STIM1: variants seen among roughly 807,000 people sequenced by gnomAD.
The protein encoded by STIM1 is stromal interaction molecule 1.
STIM1 carries 25 observed loss-of-function variants against 74.7 expected under a neutral mutation model. The ratio of observed to expected loss-of-function variants is 0.33; its 90% confidence interval spans 0.24 to 0.47. The LOEUF is 0.47. STIM1 is among the 20% of genes least tolerant of loss of function. STIM1 has a pLI of 1.00. For missense variants in STIM1, 728 were observed against 920.8 expected, an observed-to-expected ratio of 0.79 and a Z score of 2.71; for synonymous variants, 328 against 348.8, an observed-to-expected ratio of 0.94 and a Z score of 0.66.
At chr11:4,013,006 T>A (rs1394756914) in intron 2 of STIM1, among the ~76,000 whole-genome samples, 1 of 152,252 alleles carries the variant, frequency 6.6e-6, no homozygotes, top group Non-Finnish European at 1.5e-5. Context: ...TGGTTGGTTC[T>A]GTTTATGTGA....
In STIM1 at chr11:4,086,475, A is replaced by G; in HGVS notation, c.1568-2A>G. On this transcript the variant is annotated splice_acceptor_variant, in intron 11 of 12. Transcript: ENST00000526596. LOFTEE classifies it high-confidence loss of function. ...CTGACACTTTCTTTATTCTCCTTGC[A>G]GCCCCTAGCCTGCAGAGCAGTGTTC... 1 of 1,613,920 alleles carries G rather than the reference A, an allele frequency of 6.2e-7. No individual in the cohort carries two copies. Among genetic ancestry groups the G allele is most frequent in the Non-Finnish European group, 8.5e-7 (1 of 1,179,986 alleles).
intron 1 of STIM1, among the ~76,000 whole-genome samples, chr11:3,894,462 G>A (rs1299255228): frequency 1.3e-5 from 2 of 152,130 alleles, no homozygotes; most frequent in East Asian, 3.9e-4. Context: ...TGGGGCCTGT[G>A]CAGCCTGAAC....
intron 3 of STIM1, among the ~76,000 whole-genome samples, chr11:4,053,386 G>A (rs1353032510): frequency 4.6e-5 from 7 of 152,172 alleles, no homozygotes; most frequent in Admixed American, 4.6e-4. Flanking sequence ...ATACACCATG[G>A]AATACTATGC....
intron 5 of STIM1, among the ~76,000 whole-genome samples, chr11:4,061,756 G>A (rs2094332431): frequency 6.6e-6 from 1 of 152,118 alleles, no homozygotes. Context: ...TCTATTAATA[G>A]ATGAATAGAT....
intron 2 of STIM1, among the ~76,000 whole-genome samples, chr11:4,002,555 A>G (rs1422158922): frequency 6.7e-6 from 1 of 149,304 alleles, no homozygotes; most frequent in Non-Finnish European, 1.5e-5. Context: ...CAAAGACACA[A>G]CATACCAGAA....
At chr11:3,914,511 A>G (rs1444320273) in intron 1 of STIM1, among the ~76,000 whole-genome samples, 1 of 152,106 alleles carries the variant, frequency 6.6e-6, no homozygotes, top group African/African-American at 2.4e-5. Context: ...GCGCAGTCTC[A>G]GCTCACTGCA....
At chr11:4,012,278 G>T (rs1013754211) in intron 2 of STIM1, among the ~76,000 whole-genome samples, 2 of 152,208 alleles carry the variant, frequency 1.3e-5, no homozygotes, top group Non-Finnish European at 2.9e-5. Context: ...GTGGTAGCTT[G>T]ATGGGGATAG....
chr11:3,918,541 A>AAAG (rs2092679130), intron 1 of STIM1, among the ~76,000 whole-genome samples: 27 of 146,286 alleles, frequency 1.8e-4, no homozygotes, highest in African/African-American at 5.9e-4. Context: ...CTCAAAAAAA[A>AAAG]AAAGAAAGAA....
chr11:3,916,044 G>A lies in STIM1; in HGVS notation c.140-51508G>A, dbSNP rs569328595. Among the ~76,000 whole-genome samples, 21 of 151,836 alleles carry A rather than the reference G, an allele frequency of 1.4e-4. No homozygotes were observed. In the East Asian group the frequency reaches 3.9e-3, roughly 28 times the overall value. On this transcript the variant is annotated intron_variant, in intron 1 of 12. Coordinates refer to ENST00000526596, the MANE Select transcript of STIM1 (RefSeq NM_001382567.1). Reference sequence around the variant, plus strand: ...CTGCACTCCAGCCTGGGCCCACAGGGTGATACATCTCAAAATAAATAAGTA... The same window carrying A: ...CTGCACTCCAGCCTGGGCCCACAGGATGATACATCTCAAAATAAATAAGTA...
intron 6 of STIM1, among the ~76,000 whole-genome samples, chr11:4,073,156 C>T (rs541890426): frequency 6.9e-6 from 1 of 145,592 alleles, no homozygotes; most frequent in Admixed American, 7.2e-5. Context: ...GTAGTCTATC[C>T]TTTCTTTTCT....
chr11:4,079,467 G>A (rs11030853), intron 7 of STIM1, among the ~76,000 whole-genome samples: 2 of 151,056 alleles, frequency 1.3e-5, no homozygotes, highest in South Asian at 2.1e-4. Context: ...ACAGCTATTC[G>A]GGAGGCTCAG....
chr11:3,914,075 A>G (rs1349403619), intron 1 of STIM1, among the ~76,000 whole-genome samples: 1 of 152,178 alleles, frequency 6.6e-6, no homozygotes, highest in Non-Finnish European at 1.5e-5. Flanking sequence ...CTATTTTAAA[A>G]CATTTTTCAT....
In STIM1 at chr11:4,082,256, C is replaced by A; in HGVS notation, c.1042C>A (p.Gln348Lys). The change falls in exon 8 of 13, where the codon CAG becomes AAG. Residue 348 changes from glutamine to lysine, a missense_variant. By Grantham distance (53) the Gln-to-Lys change is moderately conservative (BLOSUM62 1). Around this residue, in one of 5 missense-constraint regions of STIM1, gnomAD observed 131 missense variants for 235.9 expected, o/e 0.56. Coordinates refer to ENST00000526596, the MANE Select transcript of STIM1 (RefSeq NM_001382567.1). Reference sequence around the variant, plus strand: ...CTCATGGTATGCTCCAGAGGCCCTTCAGAAGTGGCTGCAGCTGACACATGA... The same window carrying A: ...CTCATGGTATGCTCCAGAGGCCCTTAAGAAGTGGCTGCAGCTGACACATGA... ...HSSWYAPEAL[Q>K]KWLQLTHEVE... is the part of the protein sequence containing the mutation. 1 of 1,614,034 alleles carries A rather than the reference C, an allele frequency of 6.2e-7. No homozygotes were observed. The highest frequency in any genetic ancestry group is 8.5e-7 in the Non-Finnish European group (1 of 1,180,032).
At chr11:4,000,736 G>A (rs1292125401) in intron 2 of STIM1, among the ~76,000 whole-genome samples, 2 of 152,240 alleles carry the variant, frequency 1.3e-5, no homozygotes, top group Non-Finnish European at 2.9e-5. Context: ...GCTGGACGGA[G>A]AATGACTTTG....
intron 2 of STIM1, among the ~76,000 whole-genome samples, chr11:3,975,031 C>T (rs1002996346): frequency 6.6e-6 from 1 of 152,148 alleles, no homozygotes; most frequent in African/African-American, 2.4e-5. Context: ...TAAAGCCAGG[C>T]ACTATTCGAA....
intron 1 of STIM1, among the ~76,000 whole-genome samples, chr11:3,883,570 C>G (rs184135857): frequency 3.3e-5 from 5 of 152,246 alleles, no homozygotes; most frequent in Admixed American, 6.5e-5. Flanking sequence ...TCAGGCTGGT[C>G]TCGAACTCCT....
At position 3,917,636 on chromosome 11, in the gene STIM1, T is replaced by C. The variant is rs527803394; in HGVS notation, c.140-49916T>C. 3.3e-5 allele frequency among the ~76,000 whole-genome samples: 5 copies of C among 152,208 alleles called. No individual in the cohort carries two copies. The East Asian group carries it at 7.7e-4, about 23-fold the overall frequency. On this transcript the variant is annotated intron_variant, in intron 1 of 12. Transcript: ENST00000526596. Reference sequence around the variant, plus strand: ...TTTTTGTAGAGACAGGATTTTGCCATGTTGCCCAGGCTGGTGTTGAACTCC... The same window carrying C: ...TTTTTGTAGAGACAGGATTTTGCCACGTTGCCCAGGCTGGTGTTGAACTCC...
At chr11:4,006,309 C>T (rs1250347557) in intron 2 of STIM1, among the ~76,000 whole-genome samples, 1 of 152,140 alleles carries the variant, frequency 6.6e-6, no homozygotes, top group African/African-American at 2.4e-5. Context: ...CCCAAGGCCT[C>T]CCCAGAAGCA....
At chr11:4,023,778 G>A in intron 2 of STIM1, 95 bp from the exon 3 acceptor site, 1 of 824,392 alleles carries the variant, frequency 1.2e-6, no homozygotes, top group Non-Finnish European at 2.1e-6. Context: ...TAGATGGAAT[G>A]TGTTATGGCT....
Sources: allele counts gnomAD v4.1 joint callset (sites outside exome capture counted in the v4.1 genomes callset), GRCh38; gene constraint gnomAD v4.1.1; regional missense constraint gnomAD v4.1.1; transcripts MANE v1.5; gene names NCBI Gene and HGNC (gene_info 2026-07-23, HGNC 2026-07-21).